The following LYRM4 variants were observed in gnomAD, a reference collection of about 807,000 sequenced individuals.
LYRM4 encodes the protein LYR motif containing 4, also known as LYR motif-containing protein 4.
Under a neutral mutation model 11.7 loss-of-function variants are expected in LYRM4, and 9 were observed. The ratio of observed to expected loss-of-function variants is 0.77; its 90% CI spans 0.46 to 1.34. The LOEUF is 1.34. Ranked by LOEUF, LYRM4 falls within the 40% of genes most tolerant of loss-of-function variation. The pLI, the probability that LYRM4 is intolerant of heterozygous loss-of-function variation, is 0.00. For missense variants in LYRM4, 133 were observed against 112.5 expected (o/e 1.18, Z -0.82); for synonymous variants, 42 against 40.4 (o/e 1.04, Z -0.15).
chr6:5,205,221 G>T (rs1407699895), intron 2 of LYRM4, among the ~76,000 whole-genome samples: 1 of 150,428 alleles, frequency 6.6e-6, no homozygotes, highest in Non-Finnish European at 1.5e-5. Context: ...ATTGCAGCAG[G>T]AAGAAAGGGG....
In LYRM4 at chr6:5,200,855, C is replaced by T. The variant is rs938831487; in HGVS notation, c.207+15763G>A. 6.1e-4 allele frequency among the ~76,000 whole-genome samples: 92 copies of T among 151,722 alleles called. 1 individual carries two copies. The highest frequency in any genetic ancestry group is 2.2e-3 in the African/African-American group (90 of 41,430). ...ACTGTAGGTGGTTCTGACGTACAGT[C>T]AGGGCTGATAACCACTGGTATAAGG... On this transcript the variant is annotated intron_variant, in intron 2 of 2. Transcript: ENST00000330636.
intron 1 of LYRM4, among the ~76,000 whole-genome samples, chr6:5,247,688 G>T (rs1207304121): frequency 6.6e-6 from 1 of 152,118 alleles, no homozygotes; most frequent in Non-Finnish European, 1.5e-5. Flanking sequence ...AGGCCAAAGG[G>T]AGAGGGTGGT....
intron 2 of LYRM4, among the ~76,000 whole-genome samples, chr6:5,161,681 A>G (rs1374354446): frequency 6.6e-6 from 1 of 152,200 alleles, no homozygotes; most frequent in Non-Finnish European, 1.5e-5. Context: ...TAAAAATTAA[A>G]ACAGCTCCTA....
intron 2 of LYRM4, among the ~76,000 whole-genome samples, chr6:5,190,166 A>G (rs75243033): frequency 0.018 from 2,685 of 152,232 alleles, 74 homozygotes; most frequent in African/African-American, 0.061. Flanking sequence ...AAGTACACAG[A>G]GTAGATACTA....
chr6:5,138,584 A>G, intron 2 of LYRM4: 1 of 345,608 alleles, frequency 2.9e-6, no homozygotes, highest in Non-Finnish European at 4.6e-6. Flanking sequence ...TGTTTTTTTT[A>G]TGAATGATTT....
At chr6:5,116,216 G>A (rs1561806259) in intron 2 of LYRM4, among the ~76,000 whole-genome samples, 1 of 152,200 alleles carries the variant, frequency 6.6e-6, no homozygotes, top group Non-Finnish European at 1.5e-5. Flanking sequence ...AATAAAAACA[G>A]CGGTAGGACC....
chr6:5,115,267 T>C (rs1027402812), intron 2 of LYRM4, among the ~76,000 whole-genome samples: 1 of 152,234 alleles, frequency 6.6e-6, no homozygotes, highest in Admixed American at 6.5e-5. Flanking sequence ...TGGTTACTGA[T>C]GGATCTTGCA....
chr6:5,107,215 A>G (rs1278837551), downstream of LYRM4: 1 of 152,258 alleles, frequency 6.6e-6, no homozygotes, highest in Non-Finnish European at 1.5e-5. Flanking sequence ...ATGCAGTTTA[A>G]TGAACACAAA....
At chr6:5,245,817 G>A (rs953041325) in intron 1 of LYRM4, among the ~76,000 whole-genome samples, 1 of 152,204 alleles carries the variant, frequency 6.6e-6, no homozygotes, top group African/African-American at 2.4e-5. Context: ...GCGAGTGAGT[G>A]CAGAAGATCT....
At chr6:5,106,008 C>T (rs1247628689), downstream of LYRM4, 2 of 152,342 alleles carry the variant, frequency 1.3e-5, no homozygotes, top group African/African-American at 2.4e-5. Flanking sequence ...TTTGCATGTG[C>T]TGTTCCTCCT....
chr6:5,257,723 A>C (rs1405768156), intron 1 of LYRM4, among the ~76,000 whole-genome samples: 1 of 152,164 alleles, frequency 6.6e-6, no homozygotes, highest in Non-Finnish European at 1.5e-5. Flanking sequence ...TGAGAATCTA[A>C]TGCCTGATGA....
chr6:5,124,238 A>G (rs1200420136), intron 2 of LYRM4, among the ~76,000 whole-genome samples: 1 of 152,154 alleles, frequency 6.6e-6, no homozygotes, highest in Non-Finnish European at 1.5e-5. Flanking sequence ...AGGGCTCCAC[A>G]TACCGGCCCA....
At chr6:5,123,281 C>A (rs534128217) in intron 2 of LYRM4, among the ~76,000 whole-genome samples, 80 of 152,252 alleles carry the variant, frequency 5.3e-4, no homozygotes, top group Non-Finnish European at 9.9e-4. Flanking sequence ...TTCCCAGAAG[C>A]CCTCAGGAAG....
intron 1 of LYRM4, among the ~76,000 whole-genome samples, chr6:5,234,140 TAA>T (rs1763401624): frequency 6.6e-6 from 1 of 152,214 alleles, no homozygotes. Context: ...AATAATAAAA[TAA>T]AAAACTCTCA....
At chr6:5,254,965 T>C (rs923274005) in intron 1 of LYRM4, among the ~76,000 whole-genome samples, 1 of 152,192 alleles carries the variant, frequency 6.6e-6, no homozygotes, top group Non-Finnish European at 1.5e-5. Flanking sequence ...CCCCACAATC[T>C]GGGTTCTGCC....
At chr6:5,158,027 C>A (rs577739671) in intron 2 of LYRM4, among the ~76,000 whole-genome samples, 1 of 152,292 alleles carries the variant, frequency 6.6e-6, no homozygotes, top group Non-Finnish European at 1.5e-5. Flanking sequence ...AAGCCACACA[C>A]TCTGTTTGCT....
At chr6:5,046,150 C>T in the LYRM4 span, among the ~76,000 whole-genome samples, 1 of 151,572 alleles carries the variant, frequency 6.6e-6, no homozygotes, top group African/African-American at 2.4e-5. Context: ...AATAATATTC[C>T]ACTTTTTTTT....
rs189295992 is a variant in LYRM4, at chr6:5,223,541, C to T, written c.87-6803G>A. Among the ~76,000 whole-genome samples the T allele has an allele frequency of 3.1e-4, 47 of 152,130 alleles. 1 individual carries two copies. Among genetic ancestry groups the T allele is most frequent in the Admixed American group, 2.8e-3 (43 of 15,274 alleles). On this transcript the variant is annotated intron_variant, in intron 1 of 2. Transcript: ENST00000330636. ...CTTTGTTAAGTACTTGGTATAAAGC[C>T]GAGTGGTTGTCCATTTGAACAGGCA...
At chr6:5,192,588 C>A (rs1227432642) in intron 2 of LYRM4, among the ~76,000 whole-genome samples, 1 of 152,166 alleles carries the variant, frequency 6.6e-6, no homozygotes. Flanking sequence ...GGACAGAATG[C>A]CTGTGAGGGG....
Sources: allele counts gnomAD v4.1 joint callset (sites outside exome capture counted in the v4.1 genomes callset), GRCh38; gene constraint gnomAD v4.1.1; transcripts MANE v1.5; gene names NCBI Gene and HGNC (gene_info 2026-07-23, HGNC 2026-07-21).